The following ANKFN1 variants were observed in gnomAD, a reference collection of about 807,000 sequenced individuals.
ANKFN1 encodes ankyrin repeat and fibronectin type III domain containing 1.
A neutral mutation model predicts 108.7 loss-of-function variants in ANKFN1; 74 were observed. The ratio of observed to expected loss-of-function variants is 0.68; its 90% CI spans 0.56 to 0.83. ANKFN1 has a LOEUF of 0.83. Ranked by LOEUF, ANKFN1 falls within the 40% of genes least tolerant of loss-of-function variation. The pLI is 0.00. For synonymous variants in ANKFN1, 547 were observed against 516.2 expected (o/e 1.06, Z -0.81); for missense variants, 1,505 against 1,382.3 (o/e 1.09, Z -1.41).
chr17:56,399,394 A>G (rs1000582177), intron 8 of ANKFN1, among the ~76,000 whole-genome samples: 4 of 152,142 alleles, frequency 2.6e-5, no homozygotes, highest in African/African-American at 9.7e-5. Flanking sequence ...AGCAAAGTAA[A>G]TAAGACAAAT....
chr17:56,084,253 G>A (rs966138548), intron 4 of ANKFN1, among the ~76,000 whole-genome samples: 1 of 151,366 alleles, frequency 6.6e-6, no homozygotes, highest in Non-Finnish European at 1.5e-5. Context: ...GGGGACAAGG[G>A]AAACCAAGAG....
intron 8 of ANKFN1, among the ~76,000 whole-genome samples, chr17:56,388,472 A>G (rs932652420): frequency 6.6e-6 from 1 of 152,210 alleles, no homozygotes; most frequent in Non-Finnish European, 1.5e-5. Flanking sequence ...AATTATAGCT[A>G]CAAAAGAAAA....
intron 8 of ANKFN1, among the ~76,000 whole-genome samples, chr17:56,420,985 G>A (rs999290082): frequency 6.6e-6 from 1 of 152,254 alleles, no homozygotes; most frequent in Admixed American, 6.5e-5. Flanking sequence ...TGGGATTACA[G>A]GCGTGAGCCA....
chr17:56,493,039 C>G (rs1373580152), intron 19 of ANKFN1, among the ~76,000 whole-genome samples: 1 of 152,102 alleles, frequency 6.6e-6, no homozygotes, highest in Non-Finnish European at 1.5e-5. Flanking sequence ...AGTAGAATAG[C>G]AATAGCCCCA....
At position 56,062,481 on chromosome 17, in the gene ANKFN1, T is replaced by C. The variant is rs553670159; in HGVS notation, c.288+16156T>C. On this transcript the variant is annotated intron_variant, in intron 4 of 12. Transcript: ENST00000635860. ...TGTTGAATTGTTCCCTTTACCATTATGTAGTGCCCTTCTTTGTCTTTTCTG... is the reference window on the plus strand; with the variant it reads ...TGTTGAATTGTTCCCTTTACCATTACGTAGTGCCCTTCTTTGTCTTTTCTG... 5.3e-4 allele frequency among the ~76,000 whole-genome samples: 81 copies of C among 152,310 alleles called. 1 individual carries two copies. The highest frequency in any genetic ancestry group is 4.9e-3 in the Admixed American group (75 of 15,300).
intron 1 of ANKFN1, among the ~76,000 whole-genome samples, chr17:56,188,391 A>G (rs896653455): frequency 6.6e-6 from 1 of 151,412 alleles, no homozygotes; most frequent in African/African-American, 2.4e-5. Context: ...GGTTTAAAAG[A>G]TGTTCCTCTT....
At chr17:56,210,013 A>G (rs1044615017) in intron 1 of ANKFN1, among the ~76,000 whole-genome samples, 3 of 152,026 alleles carry the variant, frequency 2.0e-5, no homozygotes, top group Non-Finnish European at 4.4e-5. Context: ...CCTTTTCATG[A>G]CTGAGTAGTA....
At position 56,291,201 on chromosome 17, in the gene ANKFN1, A is replaced by G. The variant is rs867051335; in HGVS notation, c.54-35020A>G. ...AGAATGTCACTGGATCATTTCAAAA[A>G]TCTATGTGTATTTGATTCTAGGACT... On this transcript the variant is annotated intron_variant, in intron 3 of 20. Transcript: ENST00000682825. Among the ~76,000 whole-genome samples the G allele has an allele frequency of 2.0e-4, 31 of 152,294 alleles. No homozygotes were observed. In the Middle Eastern group the frequency reaches 0.02, roughly 100 times the overall value.
chr17:56,411,160 GTCT>G (rs892545244), intron 8 of ANKFN1, among the ~76,000 whole-genome samples: 2 of 152,074 alleles, frequency 1.3e-5, no homozygotes, highest in Non-Finnish European at 2.9e-5. Flanking sequence ...CCTATGTTTT[GTCT>G]TCTTCAATTT....
chr17:56,127,782 C>A (rs75643570), intron 4 of ANKFN1, among the ~76,000 whole-genome samples: 3,296 of 152,264 alleles, frequency 0.022, 139 homozygotes, highest in African/African-American at 0.076. Flanking sequence ...ATTCAAAGAT[C>A]CTAACTAAAA....
At chr17:56,331,837 A>T (rs575551213) in intron 4 of ANKFN1, among the ~76,000 whole-genome samples, 1 of 152,300 alleles carries the variant, frequency 6.6e-6, no homozygotes, top group South Asian at 2.1e-4. Context: ...TGGGAGATAC[A>T]ACCTCAGGGC....
intron 4 of ANKFN1, among the ~76,000 whole-genome samples, chr17:56,055,977 T>C (rs143196806): frequency 1.3e-5 from 2 of 152,228 alleles, no homozygotes; most frequent in East Asian, 3.9e-4. Flanking sequence ...CAATTATTGA[T>C]GTTGAGAATT....
At chr17:56,301,096 A>G (rs1439683161) in intron 3 of ANKFN1, among the ~76,000 whole-genome samples, 2 of 152,204 alleles carry the variant, frequency 1.3e-5, no homozygotes, top group Non-Finnish European at 2.9e-5. Flanking sequence ...ACATTCCTCC[A>G]AAGTTAGTGA....
At position 56,358,455 on chromosome 17, in the gene ANKFN1, A is replaced by G. The variant is rs770150433; in HGVS notation, c.601+4409A>G. On this transcript the variant is annotated intron_variant, in intron 6 of 20. Coordinates refer to ENST00000682825, the MANE Select transcript of ANKFN1 (RefSeq NM_001370326.1). ...CTCAACCATCTGTGTTTCCTTACTC[A>G]TAGAAAAATCCCAGAAGCAGCCATC... 1.4e-4 allele frequency among the ~76,000 whole-genome samples: 21 copies of G among 152,260 alleles called. 1 individual carries two copies. The highest frequency in any genetic ancestry group is 9.8e-4 in the Admixed American group (15 of 15,284).
At chr17:56,463,653 C>A (rs1598654603) in intron 14 of ANKFN1, among the ~76,000 whole-genome samples, 2 of 152,154 alleles carry the variant, frequency 1.3e-5, no homozygotes, top group East Asian at 3.8e-4. Context: ...TACTTATCCC[C>A]CCAAAACAGT....
At chr17:56,098,438 ACGCGCG>A (rs953196592) in intron 4 of ANKFN1, among the ~76,000 whole-genome samples, 21 of 132,860 alleles carry the variant, frequency 1.6e-4, no homozygotes, top group African/African-American at 8.3e-4. Flanking sequence ...ACACACACAC[ACGCGCG>A]CGCACATACT....
chr17:56,159,643 C>T (rs987324072), intron 1 of ANKFN1, among the ~76,000 whole-genome samples: 1 of 152,196 alleles, frequency 6.6e-6, no homozygotes, highest in Non-Finnish European at 1.5e-5. Context: ...ACACTCTAAC[C>T]TCTACCCTCC....
At chr17:56,480,913 GTGTGTGTGTA>G (rs796466781) in intron 17 of ANKFN1, 95 bp downstream of exon 17, 70 of 1,333,062 alleles carry the variant, frequency 5.3e-5, no homozygotes, top group Admixed American at 1.4e-4. Context: ...GTGTGTGTGT[GTGTGTGTGTA>G]AATTTTCCTT....
At chr17:56,339,918 C>A (rs958157332) in intron 4 of ANKFN1, among the ~76,000 whole-genome samples, 1 of 152,180 alleles carries the variant, frequency 6.6e-6, no homozygotes, top group Admixed American at 6.5e-5. Flanking sequence ...TACACTCCCA[C>A]CAACAGTGTA....
Sources: gnomAD v4.1 joint callset for allele counts (sites outside exome capture counted in the v4.1 genomes callset) on GRCh38, gnomAD v4.1.1 for gene constraint, MANE v1.5 for transcripts, NCBI Gene and HGNC (gene_info 2026-07-23, HGNC 2026-07-21) for gene names.